Variants in CROCC observed in about 807,000 individuals in gnomAD.
CROCC encodes the protein rootletin.
In CROCC, 180 loss-of-function variants were observed where a neutral mutation model predicts 245.2. That is an observed-to-expected ratio of 0.73 (90% CI 0.65 to 0.83). The LOEUF is 0.83. Ranked by LOEUF, CROCC falls within the 40% of genes least tolerant of loss-of-function variation. The pLI is 0.00. For synonymous variants in CROCC, 1,205 were observed against 1,241.6 expected (o/e 0.97, Z 0.62); for missense variants, 2,688 against 2,779.4 (o/e 0.97, Z 0.74).
At chr1:16,947,738 T>C (rs187322156) in intron 17 of CROCC, among the ~76,000 whole-genome samples, 1,089 of 152,058 alleles carry the variant, frequency 7.2e-3, no homozygotes, top group African/African-American at 0.025. Context: ...GTCTGGTTTA[T>C]ATATTCAGCT....
At chr1:16,927,755 C>T (rs1428299847) in intron 3 of CROCC, among the ~76,000 whole-genome samples, 13 of 152,278 alleles carry the variant, frequency 8.5e-5, no homozygotes, top group Admixed American at 5.2e-4. Context: ...ATGTGGACAC[C>T]GCTCACCATT....
At chr1:16,921,356 G>A (rs1186253791), upstream of CROCC, among the ~76,000 whole-genome samples, 1 of 152,294 alleles carries the variant, frequency 6.6e-6, no homozygotes, top group Non-Finnish European at 1.5e-5. Flanking sequence ...CTCTACCACT[G>A]TGTCTAGGTC....
intron 13 of CROCC, among the ~76,000 whole-genome samples, chr1:16,942,622 G>T (rs1172807229): frequency 6.6e-6 from 1 of 152,242 alleles, no homozygotes; most frequent in Non-Finnish European, 1.5e-5. Flanking sequence ...TCGGAACTCT[G>T]TTGTTGTAAG....
chr1:16,971,594 C>G lies in CROCC; in HGVS notation c.5914C>G (p.Leu1972Val), dbSNP rs887000977. The stretch of plus-strand genomic sequence containing the variant: ...CGCCCAGGCGCAGACTGAGCGCACC[C>G]TGGAGGCTCGGGAGCGGGCCCACCG... ...RSAQAQTERT[L>V]EARERAHRQR... Residue 1972 changes from leucine (L) to valine (V), a missense_variant, in exon 36 of 37, where the codon CTG becomes GTG. Coordinates refer to ENST00000375541, the MANE Select transcript of CROCC (RefSeq NM_014675.5). 1.3e-6 allele frequency: 2 copies of G among 1,525,962 alleles called. No individual in the cohort carries two copies. Among genetic ancestry groups the G allele is most frequent in the African/African-American group, 2.8e-5 (2 of 72,662 alleles). The allele number at this position is 1,525,962 out of a possible 1,614,324, so 94.5% of individuals were successfully genotyped here.
intron 24 of CROCC, 120 bp downstream of exon 24, chr1:16,955,670 A>C: frequency 1.1e-6 from 1 of 951,294 alleles, no homozygotes; most frequent in Non-Finnish European, 1.5e-6. Flanking sequence ...TCCTAAGCAG[A>C]GCCTGGCACC....
chr1:16,946,161 T>G, intron 15 of CROCC, 98 bp from the exon 16 acceptor site: 1 of 1,355,272 alleles, frequency 7.4e-7, no homozygotes, highest in Non-Finnish European at 1.0e-6. Flanking sequence ...TCCCCTACCC[T>G]GTCTCTGAGG....
Position 16,929,897 on chromosome 1 carries a change from A to G in CROCC, c.403A>G (p.Arg135Gly), listed in dbSNP as rs777106541. ...TGGGGAGCTGGAGACGCAGGAGCCC[A>G]GGGGGCTGGTACGGCAGAGCGTGGA... The part of the protein sequence containing the change: ...EPGELETQEP[R>G]GLVRQSVELR... Residue 135 changes from arginine to glycine, a missense_variant, in exon 4 of 37, where the codon AGG (arginine) becomes GGG (glycine). Physicochemically the swap from Arg to Gly is moderately radical, Grantham distance 125. This residue lies in a region of CROCC where 972 missense variants were observed against 895.3 expected (regional missense o/e 1.09). Coordinates refer to ENST00000375541, the MANE Select transcript of CROCC (RefSeq NM_014675.5). 4.4e-6 allele frequency: 7 copies of G among 1,587,788 alleles called. No homozygotes were observed. Among genetic ancestry groups the G allele is most frequent in the East Asian group, 4.5e-5 (2 of 44,234 alleles).
At chr1:16,953,041 C>A in intron 20 of CROCC, 1 of 467,036 alleles carries the variant, frequency 2.1e-6, no homozygotes, top group Non-Finnish European at 3.9e-6. Flanking sequence ...GTGGTCTTTT[C>A]TCTCCTTACC....
rs571516644 is a variant in CROCC, at chr1:16,924,473, C to T, written c.345C>T (p.Ser115=). ...DELAIKYNAV[S]ERLEQALRLE... is the part of the protein sequence containing the mutation. ...TCGCCATTAAGTACAATGCGGTCAG[C>T]GAGAGGGTGGGTGCCGCCCAGGTGG... Residue 115 remains serine, a synonymous_variant, in exon 3 of 37, where the codon AGC becomes AGT. Transcript: ENST00000375541. 6.1e-5 allele frequency: 99 copies of T among 1,611,526 alleles called. No individual in the cohort carries two copies. Among genetic ancestry groups the T allele is most frequent in the East Asian group, 4.9e-4 (22 of 44,840 alleles).
At chr1:16,919,028 C>T (rs2075349555), upstream of CROCC, among the ~76,000 whole-genome samples, 1 of 152,304 alleles carries the variant, frequency 6.6e-6, no homozygotes, top group South Asian at 2.1e-4. Flanking sequence ...AGCCACTGCA[C>T]CTGGCCAGTA....
chr1:16,946,207 C>A, intron 15 of CROCC, 52 bp from the exon 16 acceptor site: 1 of 1,584,304 alleles, frequency 6.3e-7, no homozygotes, highest in Non-Finnish European at 8.6e-7. Context: ...GGCCTCCTCA[C>A]CTCCTCCCGA....
Position 16,948,619 on chromosome 1 carries a change from T to A in CROCC, c.2708+95T>A. The A allele has an allele frequency of 2.0e-6, 3 of 1,480,782 alleles. No individual in the cohort carries two copies. The East Asian group carries it at 7.2e-5, about 35-fold the overall frequency. The allele number at this position is 1,480,782 out of a possible 1,614,324, so 91.7% of individuals were successfully genotyped here. ...GCAGGCACGGGCCCCCAGGGGCAGT[T>A]ACTAAGGAGTCTGGCTTGCCGACTC... On this transcript the variant is annotated intron_variant, in intron 18 of 36. Coordinates refer to ENST00000375541, the MANE Select transcript of CROCC (RefSeq NM_014675.5).
chr1:16,946,540 TTC>T lies in CROCC; in HGVS notation c.2283+139_2283+140del, dbSNP rs1317813061. The T allele has an allele frequency of 4.4e-6, 6 of 1,350,702 alleles. No homozygotes were observed. The East Asian group carries it at 1.1e-4, about 26-fold the overall frequency. The allele number at this position is 1,350,702 out of a possible 1,614,324, so 83.7% of individuals were successfully genotyped here. A position where few individuals can be genotyped will look rare whatever the true frequency, so the allele number is the denominator to read the frequency against. The stretch of plus-strand genomic sequence containing the variant: ...TCCCTGGTTCTCTGTCTGTCTCTGG[TTC>T]TCTGTCTGTCTGTCTATCCCCTCTA... On this transcript the variant is annotated intron_variant, in intron 16 of 36. Coordinates refer to ENST00000375541, the MANE Select transcript of CROCC (RefSeq NM_014675.5).
intron 26 of CROCC, among the ~76,000 whole-genome samples, chr1:16,960,343 C>T (rs1372497328): frequency 1.3e-5 from 2 of 152,202 alleles, no homozygotes; most frequent in African/African-American, 4.8e-5. Context: ...CTTTGAATCC[C>T]AGCTCTGCAG....
intron 27 of CROCC, among the ~76,000 whole-genome samples, chr1:16,964,992 T>C (rs906376322): frequency 1.3e-5 from 2 of 152,126 alleles, no homozygotes; most frequent in Non-Finnish European, 2.9e-5. Flanking sequence ...ATTTTTGTAT[T>C]TTCAGTAGAG....
In CROCC at chr1:16,954,613, G is replaced by T. The variant is rs1557626491; in HGVS notation, c.3322-121G>T. The T allele has an allele frequency of 1.5e-6, 2 of 1,361,666 alleles. No individual in the cohort carries two copies. Among genetic ancestry groups the T allele is most frequent in the Admixed American group, 5.4e-5 (2 of 37,024 alleles). 84.3% of individuals were successfully genotyped at this position (1,361,666 alleles called of 1,614,324 possible). A position where few individuals can be genotyped will look rare whatever the true frequency, so the allele number is the denominator to read the frequency against. On this transcript the variant is annotated intron_variant, in intron 22 of 36. Transcript: ENST00000375541. The surrounding 1 kb of genome is among the most constrained non-coding windows in gnomAD (Gnocchi z 4.4). ...GCATCCAGGGGTTGGCAGAGGGTCC[G>T]GCAGGCCAGCGGGAGGGGCCGTGTT...
chr1:16,947,214 C>A (rs1248892185), intron 17 of CROCC, among the ~76,000 whole-genome samples: 1 of 152,288 alleles, frequency 6.6e-6, no homozygotes, highest in Non-Finnish European at 1.5e-5. Context: ...CAGTGGCTCA[C>A]GCCTATAATC....
chr1:16,960,903 C>A lies in CROCC; in HGVS notation c.4178C>A (p.Ala1393Glu). Residue 1393 changes from alanine to glutamate, a missense_variant, in exon 27 of 37, where the codon GCG becomes GAG. Ala to Glu is a moderately radical substitution (Grantham distance 107, BLOSUM62 -1). Transcript: ENST00000375541. ...CGCGGCCTGGAGCTGAAGCTGGAGG[C>A]GGCGCGGGCCGAGGCTGCAGAGCTG... ...HARGLELKLE[A>E]ARAEAAELGL... 6.6e-7 allele frequency: 1 copy of A among 1,504,440 alleles called. No homozygotes were observed. Among genetic ancestry groups the A allele is most frequent in the Non-Finnish European group, 8.8e-7 (1 of 1,133,594 alleles). 93.2% of individuals were successfully genotyped at this position (1,504,440 alleles called of 1,614,324 possible).
rs2100447041 is a variant in CROCC, at chr1:16,944,097, A to G, written c.1809-3A>G. 6.5e-7 allele frequency: 1 copy of G among 1,546,592 alleles called. No individual in the cohort carries two copies. Among genetic ancestry groups the G allele is most frequent in the Non-Finnish European group, 8.7e-7 (1 of 1,143,754 alleles). On this transcript the variant is annotated splice_polypyrimidine_tract_variant and splice_region_variant and intron_variant, in intron 13 of 36. Transcript: ENST00000375541. ...CTCTGCTCCCCCTCCCCTTGTCCTG[A>G]AGGGAGAAGAGCAACCTGGCCCACA...
Sources: allele counts gnomAD v4.1 joint callset (sites outside exome capture counted in the v4.1 genomes callset), GRCh38; gene constraint gnomAD v4.1.1; regional missense constraint gnomAD v4.1.1; non-coding constraint Gnocchi (gnomAD v3.1); transcripts MANE v1.5; gene names NCBI Gene and HGNC (gene_info 2026-07-23, HGNC 2026-07-21).